SIL1: variants seen among roughly 807,000 people sequenced by gnomAD.
SIL1 encodes the protein nucleotide exchange factor SIL1.
Under a neutral mutation model 49.1 loss-of-function variants are expected in SIL1, and 40 were observed. The ratio of observed to expected loss-of-function variants is 0.81; its 90% CI spans 0.63 to 1.06. The LOEUF is 1.06. Ranked by LOEUF, SIL1 falls within the 50% of genes least tolerant of loss-of-function variation. SIL1 has a pLI of 0.00. For synonymous variants in SIL1, 253 were observed against 250.8 expected, an observed-to-expected ratio of 1.01 and a Z score of -0.08; for missense variants, 500 against 572.6, an observed-to-expected ratio of 0.87 and a Z score of 1.29.
chr5:139,050,254 C>T (rs145270431), intron 4 of SIL1, among the ~76,000 whole-genome samples: 10 of 152,286 alleles, frequency 6.6e-5, no homozygotes, highest in Non-Finnish European at 1.3e-4. Flanking sequence ...GGTATTTCTA[C>T]TGAGCTTTCA....
At chr5:138,998,375 C>T (rs1296064774) in intron 7 of SIL1, among the ~76,000 whole-genome samples, 2 of 152,168 alleles carry the variant, frequency 1.3e-5, no homozygotes, top group East Asian at 3.9e-4. Context: ...GCCATGTTGC[C>T]CACACTGGTC....
chr5:139,045,940 G>A (rs1177362533), intron 4 of SIL1, among the ~76,000 whole-genome samples: 1 of 152,144 alleles, frequency 6.6e-6, no homozygotes, highest in Non-Finnish European at 1.5e-5. Context: ...TGTCCTACCT[G>A]ATCTACTGAA....
At chr5:139,108,514 G>A (rs1033400890) in intron 3 of SIL1, among the ~76,000 whole-genome samples, 2 of 152,202 alleles carry the variant, frequency 1.3e-5, no homozygotes, top group African/African-American at 4.8e-5. Context: ...GGCACATGGT[G>A]TGTGTGTCAA....
chr5:138,995,407 G>A (rs1032569696), intron 7 of SIL1, among the ~76,000 whole-genome samples: 1 of 151,658 alleles, frequency 6.6e-6, no homozygotes, highest in East Asian at 1.9e-4. Context: ...ACCACGCCTG[G>A]CTAATTTTGT....
intron 3 of SIL1, among the ~76,000 whole-genome samples, chr5:139,057,314 T>TTAAAAAAAAAAAAAAAAAAAAAAAAA (rs781049621): frequency 8.2e-5 from 6 of 73,360 alleles, no homozygotes; most frequent in South Asian, 4.4e-4. Flanking sequence ...GAATGATCAA[T>TTAAAAAAAAAAAAAAAAAAAAAAAAA]AAAAAAAAAA....
intron 1 of SIL1, among the ~76,000 whole-genome samples, chr5:139,195,638 T>C (rs954488643): frequency 3.3e-5 from 5 of 151,370 alleles, no homozygotes; most frequent in Admixed American, 6.6e-5. Context: ...CCGCCCACCT[T>C]GGCCTCCCAA....
intron 5 of SIL1, among the ~76,000 whole-genome samples, chr5:139,041,834 C>CA (rs1188300439): frequency 2.1e-5 from 3 of 141,806 alleles, no homozygotes; most frequent in African/African-American, 5.3e-5. Context: ...AAAAAAAAAA[C>CA]AAAAAAAAGC....
intron 3 of SIL1, among the ~76,000 whole-genome samples, chr5:139,063,498 CA>C (rs754536558): frequency 2.0e-5 from 3 of 152,232 alleles, no homozygotes; most frequent in Non-Finnish European, 4.4e-5. Flanking sequence ...AAAGGTCAGG[CA>C]GTTGGGAGTA....
At chr5:139,188,820 C>T (rs954827274) in intron 1 of SIL1, among the ~76,000 whole-genome samples, 1 of 152,138 alleles carries the variant, frequency 6.6e-6, no homozygotes, top group Admixed American at 6.6e-5. Context: ...AGCCCTACCC[C>T]AATAAAATCC....
chr5:139,120,976 A>G (rs1231414218), intron 3 of SIL1, 59 bp downstream of exon 3: 21 of 1,607,044 alleles, frequency 1.3e-5, no homozygotes, highest in Non-Finnish European at 1.6e-5. Context: ...CTGGGGACAA[A>G]GGACATATGC....
At chr5:139,011,131 A>G (rs552748921) in intron 7 of SIL1, among the ~76,000 whole-genome samples, 7,541 of 150,494 alleles carry the variant, frequency 0.05, 295 homozygotes, top group Non-Finnish European at 0.071. Flanking sequence ...TGGGTGTAGG[A>G]CCCTCTGAGC....
chr5:139,184,659 G>A (rs947737576), intron 1 of SIL1, among the ~76,000 whole-genome samples: 2 of 152,162 alleles, frequency 1.3e-5, no homozygotes, highest in African/African-American at 2.4e-5. Flanking sequence ...GGGTGTGAGT[G>A]AGATGTTGTC....
At chr5:139,184,105 C>T (rs760834858) in intron 1 of SIL1, among the ~76,000 whole-genome samples, 1 of 152,160 alleles carries the variant, frequency 6.6e-6, no homozygotes, top group African/African-American at 2.4e-5. Context: ...CCAGAGAGGA[C>T]AGGCCTGTGT....
At chr5:138,994,235 A>G (rs1404877246) in intron 7 of SIL1, among the ~76,000 whole-genome samples, 1 of 152,218 alleles carries the variant, frequency 6.6e-6, no homozygotes, top group East Asian at 1.9e-4. Flanking sequence ...TGATACGATT[A>G]TCTACAAATA....
At chr5:139,015,043 A>C (rs1019541337) in intron 7 of SIL1, among the ~76,000 whole-genome samples, 5 of 152,240 alleles carry the variant, frequency 3.3e-5, no homozygotes, top group African/African-American at 1.2e-4. Flanking sequence ...CCATGATTAC[A>C]TCATTAATAA....
At chr5:139,085,716 G>T (rs11959851) in intron 3 of SIL1, among the ~76,000 whole-genome samples, 1 of 151,858 alleles carries the variant, frequency 6.6e-6, no homozygotes, top group African/African-American at 2.4e-5. Context: ...AGCATGAATG[G>T]GACAGGCAAA....
chr5:139,008,347 T>C (rs1183523325), intron 7 of SIL1, among the ~76,000 whole-genome samples: 1 of 144,136 alleles, frequency 6.9e-6, no homozygotes, highest in Non-Finnish European at 1.5e-5. Flanking sequence ...TTGATTCTTC[T>C]CTCTTTTTTT....
chr5:139,001,622 G>T (rs942127094), intron 7 of SIL1, among the ~76,000 whole-genome samples: 2 of 152,136 alleles, frequency 1.3e-5, no homozygotes, highest in Non-Finnish European at 2.9e-5. Context: ...AACAGATACT[G>T]CCAGGCGGGC....
intron 3 of SIL1, among the ~76,000 whole-genome samples, chr5:139,052,795 T>C (rs2150455881): frequency 6.6e-6 from 1 of 152,130 alleles, no homozygotes; most frequent in East Asian, 1.9e-4. Flanking sequence ...ATAAAGGGAA[T>C]ACCAGAGTAA....
Sources: allele counts gnomAD v4.1 joint callset (sites outside exome capture counted in the v4.1 genomes callset), GRCh38; gene constraint gnomAD v4.1.1; transcripts MANE v1.5; gene names NCBI Gene and HGNC (gene_info 2026-07-23, HGNC 2026-07-21).